SPATA17: variants seen among roughly 807,000 people sequenced by gnomAD.
The protein encoded by SPATA17 is spermatogenesis-associated protein 17.
SPATA17 carries 53 observed loss-of-function variants against 62.2 expected under a neutral mutation model. The ratio of observed to expected loss-of-function variants is 0.85; its 90% CI spans 0.68 to 1.07. The LOEUF is 1.07. Among genes scored for constraint, SPATA17 ranks in the 50% least tolerant of loss-of-function variants. The probability of loss-of-function intolerance (pLI) is 0.00; values close to 1 mark genes in which losing one functional copy is unlikely to be tolerated. For missense variants in SPATA17, 466 were observed against 425.5 expected, an observed-to-expected ratio of 1.10 and a Z score of -0.84; for synonymous variants, 146 against 146.8, an observed-to-expected ratio of 0.99 and a Z score of 0.04.
chr1:217,759,868 T>C (rs1191210429), intron 6 of SPATA17, among the ~76,000 whole-genome samples: 1 of 152,216 alleles, frequency 6.6e-6, no homozygotes. Flanking sequence ...AATGGATCAA[T>C]AGTTGCTTGA....
At chr1:217,666,783 A>G (rs187197515) in intron 3 of SPATA17, among the ~76,000 whole-genome samples, 1 of 152,154 alleles carries the variant, frequency 6.6e-6, no homozygotes, top group Non-Finnish European at 1.5e-5. Flanking sequence ...AGACTATTCT[A>G]GTACCTCATG....
chr1:217,651,200 G>A, intron 3 of SPATA17, 22 bp downstream of exon 3: 6 of 1,541,518 alleles, frequency 3.9e-6, no homozygotes, highest in Non-Finnish European at 5.3e-6. Flanking sequence ...ATGTACATAT[G>A]TTAGCATTTG....
rs1260082046 is a variant in SPATA17, at chr1:217,870,023, T to C, written c.*3004T>C. 6.6e-6 allele frequency: 1 copy of C among 152,192 alleles called. No individual in the cohort carries two copies. The highest frequency in any genetic ancestry group is 6.5e-5 in the Admixed American group (1 of 15,276). The allele number at this position is 152,192 out of a possible 1,614,324, so 9.4% of individuals were successfully genotyped here. A position where few individuals can be genotyped will look rare whatever the true frequency, so the allele number is the denominator to read the frequency against. On this transcript the variant is annotated 3_prime_UTR_variant, in exon 11 of 11. Coordinates refer to ENST00000366933, the MANE Select transcript of SPATA17 (RefSeq NM_138796.4). ...AAGCTGATGATTGGCTGTATGAAGA[T>C]TTACTATACAATTTTGTGTACTTTT... is the stretch of plus-strand genomic sequence containing the variant.
chr1:217,807,578 T>C (rs1162653476), intron 9 of SPATA17, among the ~76,000 whole-genome samples: 2 of 152,190 alleles, frequency 1.3e-5, no homozygotes, highest in African/African-American at 4.8e-5. Context: ...CTTTTTAATT[T>C]AATTTTTGGC....
At chr1:217,858,657 G>T (rs1031253995) in intron 9 of SPATA17, among the ~76,000 whole-genome samples, 3 of 152,190 alleles carry the variant, frequency 2.0e-5, no homozygotes. Context: ...GGAGGCTGAG[G>T]TGGGAGGATC....
chr1:217,756,534 A>G (rs999282159), intron 6 of SPATA17, among the ~76,000 whole-genome samples: 1 of 152,130 alleles, frequency 6.6e-6, no homozygotes, highest in Non-Finnish European at 1.5e-5. Context: ...CTTTAAGAAT[A>G]TTTTCCTGGA....
intron 5 of SPATA17, among the ~76,000 whole-genome samples, chr1:217,713,763 G>T (rs1671932568): frequency 6.6e-6 from 1 of 152,108 alleles, no homozygotes; most frequent in African/African-American, 2.4e-5. Context: ...GAAGTCCAAG[G>T]TTAAATTTTA....
Position 217,710,323 on chromosome 1 carries a change from GAAAC to G in SPATA17, c.395+26963_395+26966del, listed in dbSNP as rs140922516. The stretch of plus-strand genomic sequence containing the variant: ...ATAAGAAAATTATGTAATGAAATGA[GAAAC>G]TAACTACAGAGTTACAGATTGGTAG... On this transcript the variant is annotated intron_variant, in intron 5 of 10. Transcript: ENST00000366933. 5.6e-3 allele frequency among the ~76,000 whole-genome samples: 851 copies of G among 152,008 alleles called. 9 individuals carry two copies. Among genetic ancestry groups the G allele is most frequent in the African/African-American group, 0.019 (780 of 41,508 alleles).
chr1:217,633,455 C>T (rs1669866455), intron 1 of SPATA17, among the ~76,000 whole-genome samples: 1 of 151,410 alleles, frequency 6.6e-6, no homozygotes, highest in African/African-American at 2.4e-5. Flanking sequence ...GCCAAACAAA[C>T]AATTAATTGG....
chr1:217,635,485 C>T (rs1669916045), intron 1 of SPATA17, among the ~76,000 whole-genome samples: 2 of 152,104 alleles, frequency 1.3e-5, no homozygotes, highest in African/African-American at 4.8e-5. Flanking sequence ...GGGTGGATCA[C>T]TTGAGGTCAG....
intron 4 of SPATA17, among the ~76,000 whole-genome samples, chr1:217,670,953 G>GAAAAA (rs71661748): frequency 1.1e-5 from 1 of 87,132 alleles, no homozygotes; most frequent in Non-Finnish European, 2.3e-5. Context: ...TCCGTCTCAG[G>GAAAAA]AAAAAAAAAA....
At chr1:217,850,603 T>C in intron 9 of SPATA17, 1 of 1,595,942 alleles carries the variant, frequency 6.3e-7, no homozygotes. Context: ...GTGATGGTCT[T>C]GCCAGTCAGG....
intron 5 of SPATA17, among the ~76,000 whole-genome samples, chr1:217,700,067 A>G (rs1449818830): frequency 6.6e-6 from 1 of 152,098 alleles, no homozygotes; most frequent in Non-Finnish European, 1.5e-5. Flanking sequence ...TACTGTAACT[A>G]TATAATAAAC....
intron 8 of SPATA17, among the ~76,000 whole-genome samples, chr1:217,787,067 C>A (rs1673889538): frequency 6.6e-6 from 1 of 152,020 alleles, no homozygotes; most frequent in South Asian, 2.1e-4. Flanking sequence ...TTACCTTCTC[C>A]TCCAGCATCA....
intron 9 of SPATA17, among the ~76,000 whole-genome samples, chr1:217,807,742 G>A (rs900612366): frequency 1.3e-5 from 2 of 151,992 alleles, no homozygotes; most frequent in African/African-American, 4.8e-5. Flanking sequence ...TTTTTTATCT[G>A]ATTTCAAAAT....
At chr1:217,688,896 GCA>G (rs1299642853) in intron 5 of SPATA17, among the ~76,000 whole-genome samples, 11 of 152,136 alleles carry the variant, frequency 7.2e-5, no homozygotes, top group Non-Finnish European at 5.9e-5. Context: ...TCAGTGCCTA[GCA>G]CAGTTACTGA....
At chr1:217,732,084 T>TTCTCTCTCTCTCTCTCTCTCTCTC (rs60691625) in intron 5 of SPATA17, among the ~76,000 whole-genome samples, 67 of 148,830 alleles carry the variant, frequency 4.5e-4, no homozygotes, top group Admixed American at 7.4e-4. Context: ...TTACTCCAGT[T>TTCTCTCTCTCTCTCTCTCTCTCTC]TCTCTCTCTC....
At chr1:217,775,403 C>T (rs1474746476) in intron 7 of SPATA17, among the ~76,000 whole-genome samples, 1 of 151,984 alleles carries the variant, frequency 6.6e-6, no homozygotes, top group Non-Finnish European at 1.5e-5. Flanking sequence ...GTTACAGTGT[C>T]TTGCTTTTTA....
intron 6 of SPATA17, among the ~76,000 whole-genome samples, chr1:217,747,415 G>A (rs1672787481): frequency 1.3e-5 from 2 of 152,048 alleles, no homozygotes; most frequent in South Asian, 4.1e-4. Flanking sequence ...ATTAAAAGAT[G>A]CCTGTAAAAT....
Sources: gnomAD v4.1 joint callset for allele counts (sites outside exome capture counted in the v4.1 genomes callset) on GRCh38, gnomAD v4.1.1 for gene constraint, MANE v1.5 for transcripts, NCBI Gene and HGNC (gene_info 2026-07-23, HGNC 2026-07-21) for gene names.